Variants in VWA8 observed in about 807,000 individuals in gnomAD.
VWA8 encodes von Willebrand factor A domain-containing protein 8.
Under a neutral mutation model 241.5 loss-of-function variants are expected in VWA8, and 221 were observed. That is an observed-to-expected ratio of 0.91 (90% CI 0.82 to 1.02). The LOEUF is 1.02. Among genes scored for constraint, VWA8 ranks in the 50% least tolerant of loss-of-function variants. The probability of loss-of-function intolerance (pLI) is 0.00; values close to 1 mark genes in which losing one functional copy is unlikely to be tolerated. For synonymous variants in VWA8, 852 were observed against 827.1 expected (o/e 1.03, Z -0.52); for missense variants, 2,322 against 2,328.7 (o/e 1.00, Z 0.06).
chr13:41,686,974 T>TA (rs2045140732), intron 34 of VWA8, among the ~76,000 whole-genome samples: 1 of 152,142 alleles, frequency 6.6e-6, no homozygotes, highest in Admixed American at 6.6e-5. Context: ...TAGATGTCCT[T>TA]ACCTTGCTTG....
At chr13:41,586,097 C>G (rs2044416111) in intron 42 of VWA8, among the ~76,000 whole-genome samples, 1 of 151,478 alleles carries the variant, frequency 6.6e-6, no homozygotes, top group South Asian at 2.1e-4. Flanking sequence ...GAACTATAAT[C>G]TATCTCATAC....
chr13:41,755,549 TTTATC>T (rs1238811757), intron 21 of VWA8, among the ~76,000 whole-genome samples: 1 of 151,982 alleles, frequency 6.6e-6, no homozygotes, highest in Non-Finnish European at 1.5e-5. Flanking sequence ...TATCTATACT[TTTATC>T]TAGCCACTTT....
chr13:41,790,159 T>A (rs538314658), intron 17 of VWA8, among the ~76,000 whole-genome samples: 1 of 152,202 alleles, frequency 6.6e-6, no homozygotes, highest in East Asian at 1.9e-4. Context: ...CTCAATTTTT[T>A]AAATTATAAC....
At chr13:41,761,959 G>A (rs1231467731) in intron 20 of VWA8, among the ~76,000 whole-genome samples, 1 of 152,088 alleles carries the variant, frequency 6.6e-6, no homozygotes, top group African/African-American at 2.4e-5. Flanking sequence ...AAGAGTTATA[G>A]TTTAAAAGCT....
chr13:41,882,503 G>A (rs1874285035), intron 9 of VWA8, among the ~76,000 whole-genome samples: 1 of 152,214 alleles, frequency 6.6e-6, no homozygotes, highest in South Asian at 2.1e-4. Flanking sequence ...CTGCACTCCA[G>A]CCTGGGCACC....
chr13:41,890,265 G>A (rs1874769276), intron 5 of VWA8, among the ~76,000 whole-genome samples: 1 of 152,220 alleles, frequency 6.6e-6, no homozygotes, highest in Non-Finnish European at 1.5e-5. Flanking sequence ...AGATCAAGAA[G>A]TATGAGACAC....
At chr13:41,958,798 A>G (rs531867649) in intron 1 of VWA8, among the ~76,000 whole-genome samples, 79 of 152,360 alleles carry the variant, frequency 5.2e-4, no homozygotes, top group African/African-American at 1.5e-3. Flanking sequence ...ACTGATTTAA[A>G]GAAGATAGTA....
chr13:41,583,405 G>A (rs956776704), intron 42 of VWA8, among the ~76,000 whole-genome samples: 9 of 152,026 alleles, frequency 5.9e-5, no homozygotes, highest in African/African-American at 1.9e-4. Flanking sequence ...GCACTTTGGG[G>A]GGCCAAAGCG....
chr13:41,576,435 C>T (rs1411583467), intron 42 of VWA8, among the ~76,000 whole-genome samples: 3 of 152,170 alleles, frequency 2.0e-5, no homozygotes, highest in African/African-American at 4.8e-5. Flanking sequence ...GTGGTTAGTC[C>T]ATGCTAGCTG....
intron 17 of VWA8, among the ~76,000 whole-genome samples, chr13:41,793,764 C>T (rs546213698): frequency 3.9e-5 from 6 of 152,140 alleles, no homozygotes; most frequent in Admixed American, 2.0e-4. Flanking sequence ...TGCAGTGAGC[C>T]GAGATCGTGC....
chr13:41,891,349 T>C (rs1874831552), intron 5 of VWA8, 71 bp downstream of exon 5: 2 of 1,576,704 alleles, frequency 1.3e-6, no homozygotes, highest in Non-Finnish European at 8.7e-7. Context: ...CAGAGCCATG[T>C]CTTACACAAT....
chr13:41,629,125 G>A (rs2044711449), intron 37 of VWA8, among the ~76,000 whole-genome samples: 3 of 152,102 alleles, frequency 2.0e-5, no homozygotes, highest in African/African-American at 4.8e-5. Flanking sequence ...TGGAGGTTAG[G>A]AGATGAAGAC....
chr13:41,848,584 C>T (rs181934565), intron 12 of VWA8, among the ~76,000 whole-genome samples: 37 of 152,306 alleles, frequency 2.4e-4, no homozygotes, highest in African/African-American at 8.7e-4. Context: ...CCTGCTTGCA[C>T]TCAACTCCCT....
intron 44 of VWA8, among the ~76,000 whole-genome samples, chr13:41,569,686 A>G (rs2875448): frequency 0.31 from 44,726 of 144,738 alleles, 8,226 homozygotes; most frequent in African/African-American, 0.53. Flanking sequence ...CTGGTGTTTT[A>G]TGTTTCTTAC....
intron 37 of VWA8, among the ~76,000 whole-genome samples, chr13:41,650,640 T>C (rs2139687520): frequency 6.6e-6 from 1 of 152,336 alleles, no homozygotes; most frequent in African/African-American, 2.4e-5. Flanking sequence ...TCATCAAGAA[T>C]TTATTGAAAT....
chr13:41,865,625 T>A (rs925308555), intron 12 of VWA8, 111 bp downstream of exon 12: 1 of 1,196,498 alleles, frequency 8.4e-7, no homozygotes, highest in Admixed American at 2.7e-5. Flanking sequence ...ATTTTGGTTC[T>A]TTACCTATAT....
chr13:41,882,256 A>G (rs1461921846), intron 9 of VWA8, among the ~76,000 whole-genome samples: 2 of 144,706 alleles, frequency 1.4e-5, no homozygotes, highest in Non-Finnish European at 3.0e-5. Context: ...GGCGACCGGG[A>G]AGAGGCGCTC....
intron 37 of VWA8, among the ~76,000 whole-genome samples, chr13:41,655,368 C>T (rs1293789224): frequency 2.6e-5 from 4 of 152,084 alleles, no homozygotes; most frequent in African/African-American, 9.7e-5. Context: ...GAATTACAGG[C>T]GTGAGCCACC....
chr13:41,746,102 A>G (rs1169155357), intron 21 of VWA8, among the ~76,000 whole-genome samples: 1 of 152,222 alleles, frequency 6.6e-6, no homozygotes, highest in Non-Finnish European at 1.5e-5. Context: ...AAGGAAGAGT[A>G]GAATCAAATT....
Sources: allele counts gnomAD v4.1 joint callset (sites outside exome capture counted in the v4.1 genomes callset), GRCh38; gene constraint gnomAD v4.1.1; transcripts MANE v1.5; gene names NCBI Gene and HGNC (gene_info 2026-07-23, HGNC 2026-07-21).